YES1: variants seen among roughly 807,000 people sequenced by gnomAD.
YES1 encodes YES proto-oncogene 1, Src family tyrosine kinase.
A neutral mutation model predicts 70.4 loss-of-function variants in YES1; 39 were observed. The ratio of observed to expected loss-of-function variants is 0.55; its 90% CI spans 0.43 to 0.72. The LOEUF is 0.72. Among genes scored for constraint, YES1 ranks in the 30% least tolerant of loss-of-function variants. YES1 has a pLI of 0.00. For missense variants in YES1, 495 were observed against 644.8 expected (o/e 0.77, Z 2.52); for synonymous variants, 198 against 218.6 (o/e 0.91, Z 0.83).
In YES1 at chr18:765,193, C is replaced by T. The variant is rs142977036; in HGVS notation, c.-8-8358G>A. Among the ~76,000 whole-genome samples, 576 of 137,034 alleles carry T rather than the reference C, an allele frequency of 4.2e-3. 2 individuals are homozygous for T. The highest frequency in any genetic ancestry group is 0.015 in the African/African-American group (550 of 37,028). 89.9% of individuals were successfully genotyped at this position (137,034 alleles called of 152,430 possible). A position where few individuals can be genotyped will look rare whatever the true frequency, so the allele number is the denominator to read the frequency against. On this transcript the variant is annotated intron_variant, in intron 1 of 11. Coordinates refer to ENST00000314574, the MANE Select transcript of YES1 (RefSeq NM_005433.4). ...AGAGTTGGGAATACCTCCATAGATA[C>T]GAAAAGATAATCATCAACTTCAAGA...
chr18:726,380 G>A (rs1195543477), intron 11 of YES1, among the ~76,000 whole-genome samples: 3 of 151,742 alleles, frequency 2.0e-5, no homozygotes, highest in South Asian at 2.1e-4. Context: ...AGCTGAGATC[G>A]CACCACTGCA....
At chr18:742,886 A>G (rs760775133) in intron 8 of YES1, 32 bp downstream of exon 8, 1 of 1,509,092 alleles carries the variant, frequency 6.6e-7, no homozygotes, top group Non-Finnish European at 8.8e-7. Flanking sequence ...AACATTATCA[A>G]CACAAATACC....
chr18:778,252 C>T (rs771333137), intron 1 of YES1, among the ~76,000 whole-genome samples: 23 of 152,188 alleles, frequency 1.5e-4, no homozygotes, highest in South Asian at 2.1e-4. Flanking sequence ...ACTACCCATA[C>T]GATCTTCAGG....
At chr18:760,358 T>A (rs1427344706) in intron 1 of YES1, among the ~76,000 whole-genome samples, 1 of 152,052 alleles carries the variant, frequency 6.6e-6, no homozygotes, top group Non-Finnish European at 1.5e-5. Flanking sequence ...TAGTCCCCGC[T>A]ACTCGGGAGG....
chr18:757,319 C>A (rs369941496), intron 1 of YES1, among the ~76,000 whole-genome samples: 143 of 151,612 alleles, frequency 9.4e-4, no homozygotes, highest in African/African-American at 3.0e-3. Context: ...CTGGCTAACA[C>A]GGTGAAACCC....
chr18:749,746 G>A (rs2080322089), intron 3 of YES1, among the ~76,000 whole-genome samples: 1 of 151,404 alleles, frequency 6.6e-6, no homozygotes, highest in African/African-American at 2.4e-5. Context: ...TGTAGTCCCA[G>A]CTACTCGGGA....
At chr18:731,138 GA>G (rs2080083351) in intron 11 of YES1, among the ~76,000 whole-genome samples, 1 of 152,160 alleles carries the variant, frequency 6.6e-6, no homozygotes, top group African/African-American at 2.4e-5. Flanking sequence ...GTGGTGGTCA[GA>G]AAGTAGATGC....
At chr18:798,099 C>G (rs905246889) in intron 1 of YES1, 3 of 152,134 alleles carry the variant, frequency 2.0e-5, no homozygotes, top group African/African-American at 7.2e-5. Flanking sequence ...TGAGAACCAC[C>G]TTCATGATCA....
intron 1 of YES1, among the ~76,000 whole-genome samples, chr18:790,939 A>C (rs757514271): frequency 2.0e-5 from 3 of 152,310 alleles, no homozygotes; most frequent in Middle Eastern, 3.4e-3. Context: ...TTCATTCATT[A>C]ATTCAAAAAA....
chr18:771,140 A>C (rs943362334), intron 1 of YES1, among the ~76,000 whole-genome samples: 12 of 152,022 alleles, frequency 7.9e-5, no homozygotes, highest in African/African-American at 2.7e-4. Context: ...CCAGGCAGGC[A>C]GATCACTTGA....
chr18:735,483 G>A (rs184730459), intron 10 of YES1, among the ~76,000 whole-genome samples: 10 of 151,496 alleles, frequency 6.6e-5, no homozygotes. Flanking sequence ...ATGGACTTTG[G>A]GGAGTAAGGG....
intron 1 of YES1, among the ~76,000 whole-genome samples, chr18:798,315 A>G (rs1204475572): frequency 6.6e-6 from 1 of 152,234 alleles, no homozygotes; most frequent in Non-Finnish European, 1.5e-5. Context: ...TCTAAGAATC[A>G]TCAATATTGT....
At chr18:804,147 C>T (rs1906963336) in intron 1 of YES1, among the ~76,000 whole-genome samples, 2 of 152,152 alleles carry the variant, frequency 1.3e-5, no homozygotes, top group Admixed American at 1.3e-4. Flanking sequence ...AACAAGTTGT[C>T]CATACCTTTG....
chr18:795,511 C>A (rs1378894348), intron 1 of YES1, among the ~76,000 whole-genome samples: 1 of 152,030 alleles, frequency 6.6e-6, no homozygotes, highest in Non-Finnish European at 1.5e-5. Flanking sequence ...ACCCATATCC[C>A]CATCAATGAT....
At chr18:783,597 C>T (rs1428742825) in intron 1 of YES1, among the ~76,000 whole-genome samples, 2 of 150,348 alleles carry the variant, frequency 1.3e-5, no homozygotes, top group Non-Finnish European at 2.9e-5. Context: ...TTCTAAGCTT[C>T]TACATGTATC....
intron 2 of YES1, among the ~76,000 whole-genome samples, chr18:752,849 A>G (rs1016971740): frequency 2.0e-5 from 3 of 152,178 alleles, no homozygotes; most frequent in Middle Eastern, 3.2e-3. Context: ...AGGTTGAGAC[A>G]GGAGAATCGC....
chr18:730,640 C>T lies in YES1; in HGVS notation c.1423+2194G>A, dbSNP rs866674638. Among the ~76,000 whole-genome samples the T allele has an allele frequency of 3.3e-5, 5 of 152,304 alleles. No individual in the cohort carries two copies. In the South Asian group the frequency reaches 1.0e-3, roughly 32 times the overall value. On this transcript the variant is annotated intron_variant, in intron 11 of 11. Transcript: ENST00000314574. Reference sequence around the variant, plus strand: ...ACTTATGCTTTCTGTCTGGGTTTTACTGCCCTGTGCTATTTTAGAAAATGC... The same window carrying T: ...ACTTATGCTTTCTGTCTGGGTTTTATTGCCCTGTGCTATTTTAGAAAATGC...
At chr18:803,583 C>G (rs1006387741) in intron 1 of YES1, among the ~76,000 whole-genome samples, 4 of 152,184 alleles carry the variant, frequency 2.6e-5, no homozygotes. Context: ...CTGCCACTAG[C>G]AAGCAGGTGG....
chr18:807,920 T>A (rs781524022), intron 1 of YES1, among the ~76,000 whole-genome samples: 1 of 152,276 alleles, frequency 6.6e-6, no homozygotes, highest in East Asian at 1.9e-4. Context: ...TGAAGTATAA[T>A]GCTTCAAGGA....
Sources: gnomAD v4.1 joint callset for allele counts (sites outside exome capture counted in the v4.1 genomes callset) on GRCh38, gnomAD v4.1.1 for gene constraint, MANE v1.5 for transcripts, NCBI Gene and HGNC (gene_info 2026-07-23, HGNC 2026-07-21) for gene names.